The following BIRC6 variants were observed in gnomAD, a reference collection of about 807,000 sequenced individuals.
BIRC6 encodes baculoviral IAP repeat containing 6.
Under a neutral mutation model 503.3 loss-of-function variants are expected in BIRC6, and 98 were observed. The observed-to-expected ratio is 0.19, with a 90% CI of 0.17 to 0.23. The LOEUF (loss-of-function observed/expected upper bound fraction) is 0.23. Ranked by LOEUF, BIRC6 falls within the 10% of genes least tolerant of loss-of-function variation. The probability of loss-of-function intolerance (pLI) is 1.00; values close to 1 mark genes in which losing one functional copy is unlikely to be tolerated. For synonymous variants in BIRC6, 2,240 were observed against 2,078.7 expected, an observed-to-expected ratio of 1.08 and a Z score of -2.11; for missense variants, 5,360 against 5,806.0, an observed-to-expected ratio of 0.92 and a Z score of 2.50.
Position 32,502,911 on chromosome 2 carries a change from A to G in BIRC6, c.9304+20A>G. ...ATATGGGTAAGATAATATTTCAATA[A>G]CTATCATTTAAGTGTAGTTATGTGA... On this transcript the variant is annotated intron_variant, in intron 48 of 73. Transcript: ENST00000421745. The G allele has an allele frequency of 6.3e-7, 1 of 1,577,492 alleles. No individual in the cohort carries two copies. Among genetic ancestry groups the G allele is most frequent in the Non-Finnish European group, 8.7e-7 (1 of 1,156,008 alleles).
At chr2:32,387,015 T>A (rs1382584564) in intron 3 of BIRC6, among the ~76,000 whole-genome samples, 1 of 152,188 alleles carries the variant, frequency 6.6e-6, no homozygotes, top group Admixed American at 6.5e-5. Flanking sequence ...TGAAACTTTA[T>A]TAATCGCTTG....
intron 32 of BIRC6, chr2:32,472,859 T>C: frequency 6.9e-6 from 2 of 291,330 alleles, no homozygotes; most frequent in Non-Finnish European, 1.3e-5. Context: ...AAAATAGCTA[T>C]TATCTAAATG....
At position 32,473,094 on chromosome 2, in the gene BIRC6, G is replaced by A; in HGVS notation, c.6593-18G>A. ...ACATTTAACAGAATTATTAATACAA[G>A]TTTTCCTTCGCCTGTAGGTAATCAG... On this transcript the variant is annotated intron_variant, in intron 32 of 73. Transcript: ENST00000421745. 3 of 1,546,502 alleles carry A rather than the reference G, an allele frequency of 1.9e-6. No individual in the cohort carries two copies. The highest frequency in any genetic ancestry group is 2.6e-6 in the Non-Finnish European group (3 of 1,146,840).
intron 3 of BIRC6, 34 bp from the exon 4 acceptor site, chr2:32,388,716 A>C: frequency 2.1e-6 from 3 of 1,455,664 alleles, no homozygotes; most frequent in East Asian, 2.5e-5. Context: ...TGTTGAGTAC[A>C]TTTTCCTTTG....
intron 15 of BIRC6, among the ~76,000 whole-genome samples, chr2:32,437,987 T>G (rs1021724947): frequency 6.6e-6 from 1 of 152,200 alleles, no homozygotes; most frequent in African/African-American, 2.4e-5. Flanking sequence ...AGACACAGTC[T>G]CCCTGTGTTG....
chr2:32,378,745 C>T (rs1461118415), intron 2 of BIRC6, among the ~76,000 whole-genome samples: 3 of 152,198 alleles, frequency 2.0e-5, no homozygotes, highest in African/African-American at 7.2e-5. Context: ...GCGTGAGCCA[C>T]CGCACCCAGC....
intron 5 of BIRC6, among the ~76,000 whole-genome samples, chr2:32,395,292 T>C (rs936357749): frequency 3.9e-5 from 6 of 152,192 alleles, no homozygotes; most frequent in African/African-American, 1.4e-4. Flanking sequence ...TGTACCTCTC[T>C]TTGATTTAGT....
intron 20 of BIRC6, 54 bp downstream of exon 20, chr2:32,443,642 A>ATG: frequency 7.9e-7 from 1 of 1,267,588 alleles, no homozygotes; most frequent in South Asian, 1.4e-5. Flanking sequence ...AACATCTCAT[A>ATG]TGTATACTTA....
chr2:32,562,764 C>G (rs1174295789), intron 65 of BIRC6, among the ~76,000 whole-genome samples: 7 of 152,164 alleles, frequency 4.6e-5, no homozygotes, highest in Admixed American at 4.6e-4. Context: ...GTTTTCATGG[C>G]TTGGTGGCTG....
At chr2:32,599,570 G>A (rs534345809) in intron 69 of BIRC6, among the ~76,000 whole-genome samples, 169 bp from the exon 70 acceptor site, 40 of 152,102 alleles carry the variant, frequency 2.6e-4, no homozygotes, top group Non-Finnish European at 5.3e-4. Context: ...CTCAGGAAGC[G>A]GAGGTTGCAG....
At chr2:32,609,716 C>T (rs2062724098) in intron 72 of BIRC6, among the ~76,000 whole-genome samples, 2 of 148,132 alleles carry the variant, frequency 1.4e-5, no homozygotes, top group South Asian at 2.1e-4. Flanking sequence ...CGCCACGGCA[C>T]TCCAGCCTGG....
intron 10 of BIRC6, among the ~76,000 whole-genome samples, chr2:32,424,784 A>G (rs1372251702): frequency 6.6e-6 from 1 of 152,058 alleles, no homozygotes; most frequent in Non-Finnish European, 1.5e-5. Flanking sequence ...ACGTGCTGGG[A>G]TTACAGGTGT....
rs556051105 is a variant in BIRC6 at position 32,504,034 on chromosome 2, T to TTGTGTGTGTGTGTGTGTG, written c.9499+824_9499+841dup. Among the ~76,000 whole-genome samples, 26 of 78,248 alleles carry TTGTGTGTGTGTGTGTGTG rather than the reference T, an allele frequency of 3.3e-4. 2 individuals are homozygous for TTGTGTGTGTGTGTGTGTG. The Admixed American group carries it at 3.4e-3, about 10-fold the overall frequency. The allele number at this position is 78,248 out of a possible 152,430, so 51.3% of individuals were successfully genotyped here. Reference sequence around the variant, plus strand: ...ACTGGGGCGGGGGGTGGGGGGGTGTTTGTGTGTGTGTGTGTGTGTGTGTGT... The same window carrying TTGTGTGTGTGTGTGTGTG: ...ACTGGGGCGGGGGGTGGGGGGGTGTTTGTGTGTGTGTGTGTGTGTGTGTGTGTGTGTGTGTGTGTGTGT... On this transcript the variant is annotated intron_variant, in intron 49 of 73. Coordinates refer to ENST00000421745, the MANE Select transcript of BIRC6 (RefSeq NM_016252.4).
chr2:32,394,597 C>T (rs956735625), intron 5 of BIRC6, among the ~76,000 whole-genome samples: 2 of 151,952 alleles, frequency 1.3e-5, no homozygotes, highest in Non-Finnish European at 2.9e-5. Context: ...TTAGGGAGGC[C>T]AAGGCAGGAG....
At chr2:32,537,305 A>G (rs1171694597) in intron 61 of BIRC6, among the ~76,000 whole-genome samples, 2 of 152,160 alleles carry the variant, frequency 1.3e-5, no homozygotes, top group Non-Finnish European at 2.9e-5. Context: ...TCAACAGAAT[A>G]TACATTCTTT....
At chr2:32,525,361 C>A in intron 58 of BIRC6, 103 bp from the exon 59 acceptor site, 2 of 1,226,532 alleles carry the variant, frequency 1.6e-6, no homozygotes, top group Non-Finnish European at 2.3e-6. Flanking sequence ...TGTTTTCTGA[C>A]ATTAGCTAGG....
At chr2:32,524,030 C>T (rs975519051) in intron 57 of BIRC6, among the ~76,000 whole-genome samples, 1 of 142,000 alleles carries the variant, frequency 7.0e-6, no homozygotes, top group African/African-American at 2.7e-5. Flanking sequence ...GGCAACACAG[C>T]GAGACCTTAT....
rs549466155 is a variant in BIRC6, at chr2:32,613,387, A to T, written c.14394+1805A>T. Among the ~76,000 whole-genome samples, 269 of 150,730 alleles carry T rather than the reference A, an allele frequency of 1.8e-3. 1 individual carries two copies. The highest frequency in any genetic ancestry group is 6.1e-3 in the African/African-American group (250 of 40,992). Reference sequence around the variant, plus strand: ...TTTATTTTCATTATTTATTTTATTTATTTATTTATTTTAGATGTAATCTTG... The same window carrying T: ...TTTATTTTCATTATTTATTTTATTTTTTTATTTATTTTAGATGTAATCTTG... On this transcript the variant is annotated intron_variant, in intron 73 of 73. Transcript: ENST00000421745.
chr2:32,475,945 C>T (rs2049714911), intron 33 of BIRC6, among the ~76,000 whole-genome samples: 1 of 151,596 alleles, frequency 6.6e-6, no homozygotes, highest in Admixed American at 6.6e-5. Context: ...ATATATATCG[C>T]TCGATTATGT....
Sources: gnomAD v4.1 joint callset for allele counts (sites outside exome capture counted in the v4.1 genomes callset) on GRCh38, gnomAD v4.1.1 for gene constraint, MANE v1.5 for transcripts, NCBI Gene and HGNC (gene_info 2026-07-23, HGNC 2026-07-21) for gene names.